The following GABRB3 variants were observed in gnomAD, a reference collection of about 807,000 sequenced individuals.
GABRB3 encodes gamma-aminobutyric acid receptor subunit beta-3.
In GABRB3, 14 loss-of-function variants were observed where a neutral mutation model predicts 52.1. The observed-to-expected ratio is 0.27, with a 90% CI of 0.18 to 0.42. The LOEUF is 0.42. Among genes scored for constraint, GABRB3 ranks in the 10% least tolerant of loss-of-function variants. The pLI is 1.00. For missense variants in GABRB3, 307 were observed against 609.1 expected, an observed-to-expected ratio of 0.50 and a Z score of 5.22; for synonymous variants, 260 against 232.3, an observed-to-expected ratio of 1.12 and a Z score of -1.08.
chr15:26,745,545 T>A lies in GABRB3; in HGVS notation c.240+26857A>T, dbSNP rs201751594. 2.6e-5 allele frequency among the ~76,000 whole-genome samples: 4 copies of A among 152,126 alleles called. No homozygotes were observed. The East Asian group carries it at 7.7e-4, about 29-fold the overall frequency. ...TATGCAATTTTATCATAGGCGTAGATTCCCTGCAGCCTCGACCTCCTGGGC... is the reference window on the plus strand; with the variant it reads ...TATGCAATTTTATCATAGGCGTAGAATCCCTGCAGCCTCGACCTCCTGGGC... On this transcript the variant is annotated intron_variant, in intron 3 of 8. Coordinates refer to ENST00000311550, the MANE Select transcript of GABRB3 (RefSeq NM_000814.6).
At chr15:26,724,667 T>C (rs887234490) in intron 3 of GABRB3, among the ~76,000 whole-genome samples, 5 of 152,210 alleles carry the variant, frequency 3.3e-5, no homozygotes, top group Non-Finnish European at 7.3e-5. Context: ...CACCCTCAGA[T>C]GATAACACCA....
chr15:26,729,202 C>T (rs1164486001), intron 3 of GABRB3, among the ~76,000 whole-genome samples: 1 of 152,146 alleles, frequency 6.6e-6, no homozygotes, highest in African/African-American at 2.4e-5. Context: ...GGTCCCGCTG[C>T]ACAGTGTATT....
chr15:26,672,373 C>T (rs1887925315), intron 3 of GABRB3, among the ~76,000 whole-genome samples: 1 of 152,176 alleles, frequency 6.6e-6, no homozygotes, highest in South Asian at 2.1e-4. Flanking sequence ...TCACAAGCCA[C>T]CACATGGCCC....
intron 3 of GABRB3, among the ~76,000 whole-genome samples, chr15:26,701,651 A>G (rs1036009203): frequency 6.6e-6 from 1 of 152,214 alleles, no homozygotes; most frequent in Non-Finnish European, 1.5e-5. Context: ...TAAGGTGTCA[A>G]TTCTCCCCCA....
rs147123866 is a variant in GABRB3 at position 26,709,285 on chromosome 15, G to A, written c.240+63117C>T. Among the ~76,000 whole-genome samples the A allele has an allele frequency of 3.5e-3, 531 of 152,172 alleles. 2 individuals carry two copies. Among genetic ancestry groups the A allele is most frequent in the Non-Finnish European group, 5.9e-3 (404 of 68,018 alleles). ...TGAATGGCTTGGTGCCCGCCTCTGG[G>A]CAAGGAGTGAGTTCTCACTCTATTT... On this transcript the variant is annotated intron_variant, in intron 3 of 8. Coordinates refer to ENST00000311550, the MANE Select transcript of GABRB3 (RefSeq NM_000814.6).
At chr15:26,758,751 C>A (rs1361907143) in intron 3 of GABRB3, among the ~76,000 whole-genome samples, 1 of 151,756 alleles carries the variant, frequency 6.6e-6, no homozygotes, top group Non-Finnish European at 1.5e-5. Context: ...AAAGAAGCAG[C>A]CATACTTCTG....
intron 6 of GABRB3, among the ~76,000 whole-genome samples, chr15:26,573,726 T>C (rs1349854248): frequency 6.6e-6 from 1 of 152,196 alleles, no homozygotes; most frequent in Non-Finnish European, 1.5e-5. Flanking sequence ...TTGCAAATCA[T>C]GTATCTGATA....
At chr15:26,772,823 G>A (rs758595473) in intron 1 of GABRB3, 51 bp from the exon 2 acceptor site, 3 of 1,460,752 alleles carry the variant, frequency 2.1e-6, no homozygotes, top group East Asian at 3.0e-5. Context: ...CGGCTCAGCC[G>A]CCAGCGCCCC....
intron 3 of GABRB3, among the ~76,000 whole-genome samples, chr15:26,722,468 C>T (rs1889667444): frequency 1.3e-5 from 2 of 152,126 alleles, no homozygotes; most frequent in South Asian, 2.1e-4. Context: ...AACCACATGA[C>T]GTGCTGTGAA....
intron 3 of GABRB3, among the ~76,000 whole-genome samples, chr15:26,681,389 A>G (rs2140648242): frequency 6.6e-6 from 1 of 152,228 alleles, no homozygotes; most frequent in East Asian, 1.9e-4. Context: ...CGTATGGGAA[A>G]GGGGATACTG....
chr15:26,607,312 T>C (rs1049685769), intron 4 of GABRB3, among the ~76,000 whole-genome samples: 1 of 152,152 alleles, frequency 6.6e-6, no homozygotes, highest in Non-Finnish European at 1.5e-5. Flanking sequence ...AGAACTGATA[T>C]AACTAATTTA....
intron 3 of GABRB3, among the ~76,000 whole-genome samples, chr15:26,661,869 A>G (rs1032558471): frequency 1.3e-5 from 2 of 152,202 alleles, no homozygotes; most frequent in Admixed American, 6.5e-5. Flanking sequence ...GAATTTGGCT[A>G]TGTGAGTGCT....
intron 7 of GABRB3, among the ~76,000 whole-genome samples, chr15:26,561,656 A>G (rs1889993077): frequency 6.6e-6 from 1 of 152,248 alleles, no homozygotes; most frequent in Non-Finnish European, 1.5e-5. Flanking sequence ...GAGCTCAGTG[A>G]GGCAGCCTGT....
intron 3 of GABRB3, among the ~76,000 whole-genome samples, chr15:26,654,117 T>G (rs1406917687): frequency 6.6e-6 from 1 of 152,168 alleles, no homozygotes; most frequent in Non-Finnish European, 1.5e-5. Flanking sequence ...ACTTCAAATT[T>G]TTAAATTTGT....
At chr15:26,576,972 C>T (rs1890615715) in intron 6 of GABRB3, among the ~76,000 whole-genome samples, 1 of 152,162 alleles carries the variant, frequency 6.6e-6, no homozygotes, top group African/African-American at 2.4e-5. Flanking sequence ...TAGAAGCAAG[C>T]ATAGATCCTC....
intron 6 of GABRB3, among the ~76,000 whole-genome samples, chr15:26,568,684 G>GTGTTTTT (rs373552704): frequency 3.0e-5 from 4 of 133,658 alleles, no homozygotes; most frequent in African/African-American, 8.0e-5. Flanking sequence ...TTTTTTTTTG[G>GTGTTTTT]TTTTGTATGT....
chr15:26,744,494 C>G (rs970832336), intron 3 of GABRB3, among the ~76,000 whole-genome samples: 1 of 152,050 alleles, frequency 6.6e-6, no homozygotes, highest in African/African-American at 2.4e-5. Context: ...GGTGCCATCT[C>G]AGCTCACTGC....
At chr15:26,560,606 C>CG (rs909632308) in intron 8 of GABRB3, among the ~76,000 whole-genome samples, 1 of 152,082 alleles carries the variant, frequency 6.6e-6, no homozygotes, top group African/African-American at 2.4e-5. Context: ...AAAAAGCAAC[C>CG]GGGCCAGGGT....
intron 4 of GABRB3, among the ~76,000 whole-genome samples, chr15:26,583,956 T>G (rs2140739508): frequency 6.6e-6 from 1 of 152,122 alleles, no homozygotes; most frequent in East Asian, 2.0e-4. Context: ...TTTGTATTTT[T>G]TAGTACAGAC....
Sources: allele counts gnomAD v4.1 joint callset (sites outside exome capture counted in the v4.1 genomes callset), GRCh38; gene constraint gnomAD v4.1.1; transcripts MANE v1.5; gene names NCBI Gene and HGNC (gene_info 2026-07-23, HGNC 2026-07-21).